ZNF540: variants seen among roughly 807,000 people sequenced by gnomAD.
The protein encoded by ZNF540 is CTD-3064H18.6.
A neutral mutation model predicts 11.8 loss-of-function variants in ZNF540; 3 were observed. That is an observed-to-expected ratio of 0.25 (90% CI 0.12 to 0.65). The LOEUF (loss-of-function observed/expected upper bound fraction) is 0.65. Ranked by LOEUF, ZNF540 falls within the 30% of genes least tolerant of loss-of-function variation. ZNF540 has a pLI of 0.83. For synonymous variants in ZNF540, 247 were observed against 259.0 expected, an observed-to-expected ratio of 0.95 and a Z score of 0.45; for missense variants, 709 against 793.1, an observed-to-expected ratio of 0.89 and a Z score of 1.27.
rs144482702 is a variant in ZNF540, at chr19:37,604,480, T to C, written c.232+3375T>C. 4.5e-3 allele frequency among the ~76,000 whole-genome samples: 683 copies of C among 151,822 alleles called. 4 individuals carry two copies. The highest frequency in any genetic ancestry group is 0.016 in the African/African-American group (662 of 41,384). Reference sequence around the variant, plus strand: ...CCACCACCACGCCTGGCTAAGTTTTTGTATTTTTAGCAGAGATGGGGTTTC... The same window carrying C: ...CCACCACCACGCCTGGCTAAGTTTTCGTATTTTTAGCAGAGATGGGGTTTC... On this transcript the variant is annotated intron_variant, in intron 4 of 4. Coordinates refer to ENST00000316433, the MANE Select transcript of ZNF540 (RefSeq NM_001172225.3).
At chr19:37,570,326 T>C (rs2043009117) in intron 1 of ZNF540, among the ~76,000 whole-genome samples, 1 of 152,194 alleles carries the variant, frequency 6.6e-6, no homozygotes, top group Non-Finnish European at 1.5e-5. Context: ...GTGATTATTT[T>C]CTTCACCTTC....
rs1311307597 is a variant in ZNF540, at chr19:37,556,118, TG to T, written c.-73+4456del. Reference sequence around the variant, plus strand: ...CTGCAAGGTTGACACTTCCTGCTTTTGGGACCGGCAGATTGTGTTGCTCTTC... The same window carrying T: ...CTGCAAGGTTGACACTTCCTGCTTTTGGACCGGCAGATTGTGTTGCTCTTC... On this transcript the variant is annotated intron_variant, in intron 1 of 4. Transcript: ENST00000592533. 7.1e-6 allele frequency: 5 copies of T among 702,760 alleles called. No individual in the cohort carries two copies. In the East Asian group the frequency reaches 1.3e-4, roughly 19 times the overall value. 43.5% of individuals were successfully genotyped at this position (702,760 alleles called of 1,614,324 possible). A position where few individuals can be genotyped will look rare whatever the true frequency, so the allele number is the denominator to read the frequency against.
intron 1 of ZNF540, among the ~76,000 whole-genome samples, chr19:37,560,094 T>C (rs1684978314): frequency 6.6e-6 from 1 of 151,900 alleles, no homozygotes; most frequent in Non-Finnish European, 1.5e-5. Context: ...CTGGCCAACA[T>C]GGCAAAACCT....
chr19:37,612,388 C>T lies in ZNF540; in HGVS notation c.1108C>T (p.Leu370Phe). 6.2e-7 allele frequency: 1 copy of T among 1,613,202 alleles called. No homozygotes were observed. The highest frequency in any genetic ancestry group is 8.5e-7 in the Non-Finnish European group (1 of 1,179,816). The change falls in exon 5 of 5, where the codon CTT (leucine) becomes TTT (phenylalanine). Residue 370 changes from leucine (L) to phenylalanine (F), a missense_variant. Coordinates refer to ENST00000316433, the MANE Select transcript of ZNF540 (RefSeq NM_001172225.3). The part of the protein sequence containing the change: ...CGKTFRLSFY[L>F]TEHRRTHAGK... ...AAAGACCTTTAGACTTAGTTTTTAC[C>T]TTACTGAACACAGAAGAACTCATGC...
intron 1 of ZNF540, chr19:37,564,830 T>C (rs889368562): frequency 1.9e-6 from 3 of 1,614,026 alleles, no homozygotes; most frequent in African/African-American, 1.3e-5. Flanking sequence ...CCCACACTGT[T>C]TACATTCATA....
intron 1 of ZNF540, chr19:37,586,454 T>C (rs2043675942): frequency 1.7e-6 from 1 of 605,410 alleles, no homozygotes; most frequent in Non-Finnish European, 2.9e-6. Flanking sequence ...CAATGTAGAA[T>C]TATCTGCTGA....
chr19:37,563,544 C>T (rs1007811319), intron 1 of ZNF540: 4 of 151,518 alleles, frequency 2.6e-5, no homozygotes, highest in African/African-American at 9.7e-5. Context: ...ATATGGAATA[C>T]ATATGTGGAA....
At position 37,611,951 on chromosome 19, in the gene ZNF540, T is replaced by G; in HGVS notation, c.671T>G (p.Phe224Cys). Residue 224 changes from phenylalanine to cysteine, a missense_variant, in exon 5 of 5, where the codon TTT becomes TGT. Transcript: ENST00000316433. ...SCKCEKCGKV[F>C]SHSYQLTLHQ... ...AAATGTGAGAAATGTGGGAAAGTTTTTAGTCATAGCTATCAACTTACTCTG... is the reference window on the plus strand; with the variant it reads ...AAATGTGAGAAATGTGGGAAAGTTTGTAGTCATAGCTATCAACTTACTCTG... 1 of 1,613,648 alleles carries G rather than the reference T, an allele frequency of 6.2e-7. No homozygotes were observed. The highest frequency in any genetic ancestry group is 8.5e-7 in the Non-Finnish European group (1 of 1,179,962).
At chr19:37,559,554 G>A (rs1484504938) in intron 1 of ZNF540, among the ~76,000 whole-genome samples, 2 of 152,112 alleles carry the variant, frequency 1.3e-5, no homozygotes, top group Non-Finnish European at 2.9e-5. Context: ...AGGTGCACAA[G>A]ACAAATACCA....
intron 4 of ZNF540, 133 bp from the exon 5 acceptor site, chr19:37,611,376 CTTTA>C: frequency 1.5e-6 from 1 of 663,572 alleles, no homozygotes; most frequent in South Asian, 2.5e-5. Context: ...AATTATATAA[CTTTA>C]TTGAAATATT....
In ZNF540 at chr19:37,612,443, G is replaced by A; in HGVS notation, c.1163G>A (p.Cys388Tyr). The A allele has an allele frequency of 6.2e-7, 1 of 1,614,148 alleles. No homozygotes were observed. ...AAGAAACCTTATGAATGTAAGGAGT[G>A]TGGGAAATCATTTAATGTGCGTGGA... ...AGKKPYECKE[C>Y]GKSFNVRGQL... Residue 388 changes from cysteine (C) to tyrosine (Y), a missense_variant, in exon 5 of 5, where the codon TGT becomes TAT. Transcript: ENST00000316433.
At chr19:37,553,542 T>C (rs1002522629) in intron 1 of ZNF540, among the ~76,000 whole-genome samples, 6 of 152,192 alleles carry the variant, frequency 3.9e-5, no homozygotes, top group African/African-American at 1.4e-4. Flanking sequence ...TTCTCTTATC[T>C]ATCCTTAATT....
intron 2 of ZNF540, 91 bp from the exon 3 acceptor site, chr19:37,599,535 C>G: frequency 6.6e-7 from 1 of 1,515,294 alleles, no homozygotes; most frequent in Non-Finnish European, 9.1e-7. Context: ...TATAGTACCC[C>G]TTGCTGCAAT....
chr19:37,612,144 A>T lies in ZNF540; in HGVS notation c.864A>T (p.Gln288His). 6.2e-7 allele frequency: 1 copy of T among 1,611,736 alleles called. No homozygotes were observed. The highest frequency in any genetic ancestry group is 8.5e-7 in the Non-Finnish European group (1 of 1,179,708). The stretch of plus-strand genomic sequence containing the variant: ...TTTTTAGTAGATTAGAACTTACTCA[A>T]CATAAAAGAATTCATACTGGTAAGA... ...KGFFSRLELT[Q>H]HKRIHTGKKS... is the part of the protein sequence containing the mutation. The change falls in exon 5 of 5, where the codon CAA becomes CAT. Residue 288 changes from glutamine to histidine, a missense_variant. Transcript: ENST00000316433.
In ZNF540 at chr19:37,599,139, C is replaced by A. The variant is rs539153644; in HGVS notation, c.10-487C>A. Among the ~76,000 whole-genome samples the A allele has an allele frequency of 2.6e-5, 4 of 152,078 alleles. No individual in the cohort carries two copies. The South Asian group carries it at 8.3e-4, about 32-fold the overall frequency. ...CACCACTGTACTCCAGCGTGGGCAA[C>A]AGAGTGAGATCTCCGTCTCGATTGA... On this transcript the variant is annotated intron_variant, in intron 2 of 4. Coordinates refer to ENST00000316433, the MANE Select transcript of ZNF540 (RefSeq NM_001172225.3).
chr19:37,568,509 T>C (rs1004269622), intron 1 of ZNF540, among the ~76,000 whole-genome samples: 3 of 152,136 alleles, frequency 2.0e-5, no homozygotes, highest in African/African-American at 7.2e-5. Flanking sequence ...ATAAATTCAG[T>C]TGGGACCCAA....
In ZNF540 at chr19:37,612,587, A is replaced by C. The variant is rs754743995; in HGVS notation, c.1307A>C (p.Glu436Ala). The C allele has an allele frequency of 6.2e-7, 1 of 1,614,130 alleles. No homozygotes were observed. The highest frequency in any genetic ancestry group is 8.5e-7 in the Non-Finnish European group (1 of 1,179,988). Reference sequence around the variant, plus strand: ...GTACATTCTAGAATTCATACTGGAGAGAAACCATATGAATGTAAGGAATGC... The same window carrying C: ...GTACATTCTAGAATTCATACTGGAGCGAAACCATATGAATGTAAGGAATGC... ...LRVHSRIHTG[E>A]KPYECKECGK... The change falls in exon 5 of 5, where the codon GAG becomes GCG. Residue 436 changes from glutamate (E) to alanine (A), a missense_variant. Transcript: ENST00000316433.
chr19:37,612,024 T>C lies in ZNF540; in HGVS notation c.744T>C (p.Cys248=). 6.2e-7 allele frequency: 1 copy of C among 1,613,654 alleles called. No individual in the cohort carries two copies. Among genetic ancestry groups the C allele is most frequent in the Middle Eastern group, 1.7e-4 (1 of 5,816 alleles). ...AGAAACCCTATGAATGTCAAGAATG[T>C]GGGAAGACCTTTACTCTTTACCCAC... The part of the protein sequence containing the change: ...TGEKPYECQE[C]GKTFTLYPQL... Residue 248 remains cysteine (C), a synonymous_variant, in exon 5 of 5, where the codon TGT becomes TGC. Coordinates refer to ENST00000316433, the MANE Select transcript of ZNF540 (RefSeq NM_001172225.3).
At chr19:37,603,812 A>C (rs2147229253) in intron 4 of ZNF540, among the ~76,000 whole-genome samples, 1 of 152,316 alleles carries the variant, frequency 6.6e-6, no homozygotes, top group African/African-American at 2.4e-5. Context: ...TTTTAAAACT[A>C]TGAAGAAAAG....
Sources: gnomAD v4.1 joint callset for allele counts (sites outside exome capture counted in the v4.1 genomes callset) on GRCh38, gnomAD v4.1.1 for gene constraint, MANE v1.5 for transcripts, NCBI Gene and HGNC (gene_info 2026-07-23, HGNC 2026-07-21) for gene names.